Variants in CPSF3 observed in about 807,000 individuals in gnomAD.
CPSF3 encodes the protein cleavage and polyadenylation specificity factor subunit 3.
CPSF3 carries 57 observed loss-of-function variants against 84.1 expected under a neutral mutation model. The ratio of observed to expected loss-of-function variants is 0.68; its 90% CI spans 0.55 to 0.85. CPSF3 has a LOEUF of 0.85. CPSF3 is among the 40% of genes least tolerant of loss of function. The pLI is 0.00. For synonymous variants in CPSF3, 275 were observed against 278.1 expected (o/e 0.99, Z 0.11); for missense variants, 522 against 838.8 (o/e 0.62, Z 4.66).
chr2:9,431,919 G>A (rs1349272848), intron 4 of CPSF3, among the ~76,000 whole-genome samples: 1 of 152,126 alleles, frequency 6.6e-6, no homozygotes, highest in Non-Finnish European at 1.5e-5. Context: ...CCATTTTATA[G>A]ATGATGAAAC....
chr2:9,433,956 T>C lies in CPSF3; in HGVS notation c.605T>C (p.Ile202Thr), dbSNP rs553276603. The change falls in exon 6 of 18, where the codon ATC becomes ACC. Residue 202 changes from isoleucine to threonine, a missense_variant. By Grantham distance (89) the Ile-to-Thr change is moderately conservative. Transcript: ENST00000238112. ...EIPNIKPDIL[I>T]IESTYGTHIH... ...CCTAATATTAAGCCTGATATTCTTA[T>C]CATTGTAAGTATTAATATACTATAT... The C allele has an allele frequency of 2.6e-5, 40 of 1,535,660 alleles. No homozygotes were observed. In the African/African-American group the frequency reaches 5.2e-4, roughly 20 times the overall value.
At chr2:9,424,581 C>G (rs1680281328) in intron 1 of CPSF3, 1 of 152,176 alleles carries the variant, frequency 6.6e-6, no homozygotes, top group African/African-American at 2.4e-5. Context: ...ATACGCTTTC[C>G]AAAAGGTAGA....
chr2:9,469,787 A>G (rs776243252), intron 16 of CPSF3, among the ~76,000 whole-genome samples: 2 of 152,176 alleles, frequency 1.3e-5, no homozygotes, highest in Non-Finnish European at 2.9e-5. Flanking sequence ...AAATGCAGCT[A>G]TTTCCCCAGT....
At chr2:9,439,484 A>AAAG (rs1680897082) in intron 7 of CPSF3, among the ~76,000 whole-genome samples, 2 of 151,640 alleles carry the variant, frequency 1.3e-5, no homozygotes, top group Non-Finnish European at 2.9e-5. Context: ...AAAAAAAAAA[A>AAAG]AAAAGAAATT....
At chr2:9,472,319 C>CAAA (rs35266408) in intron 17 of CPSF3, among the ~76,000 whole-genome samples, 1 of 115,842 alleles carries the variant, frequency 8.6e-6, no homozygotes, top group East Asian at 4.3e-4. Context: ...GATTCTGTCT[C>CAAA]AAAAAAAAAA....
intron 15 of CPSF3, among the ~76,000 whole-genome samples, chr2:9,460,810 C>A (rs1681704886): frequency 6.6e-6 from 1 of 151,978 alleles, no homozygotes; most frequent in Admixed American, 6.6e-5. Context: ...CTGTACCCAG[C>A]TCTTTACATG....
intron 10 of CPSF3, among the ~76,000 whole-genome samples, chr2:9,447,233 A>T (rs1353077051): frequency 6.6e-6 from 1 of 152,252 alleles, no homozygotes; most frequent in East Asian, 1.9e-4. Context: ...TAATCCTAGC[A>T]TTTTGGGAGG....
chr2:9,425,159 G>A (rs1680334981), intron 1 of CPSF3, among the ~76,000 whole-genome samples: 1 of 152,212 alleles, frequency 6.6e-6, no homozygotes, highest in South Asian at 2.1e-4. Context: ...GTTCTAGGCA[G>A]TGGAAGTGGC....
intron 7 of CPSF3, among the ~76,000 whole-genome samples, chr2:9,436,774 A>AAAAAAAAAAAAATAATAAT (rs139337028): frequency 2.8e-5 from 4 of 143,036 alleles, no homozygotes; most frequent in African/African-American, 1.0e-4. Flanking sequence ...CCATCTCAAA[A>AAAAAAAAAAAAATAATAAT]AATAATAATA....
At position 9,430,009 on chromosome 2, in the gene CPSF3, A is replaced by G. The variant is rs1680525433; in HGVS notation, c.201A>G (p.Leu67=). 6.4e-7 allele frequency: 1 copy of G among 1,555,710 alleles called. No homozygotes were observed. The highest frequency in any genetic ancestry group is 2.4e-5 in the East Asian group (1 of 41,452). The change falls in exon 3 of 18, where the codon CTA becomes CTG. Residue 67 remains leucine, a synonymous_variant. Coordinates refer to ENST00000238112, the MANE Select transcript of CPSF3 (RefSeq NM_016207.4). ...TTGACCCAGCTGAGATTGATCTCCTATTAATTAGTCAGTAAGTTTTTCCCT... is the reference window on the plus strand; with the variant it reads ...TTGACCCAGCTGAGATTGATCTCCTGTTAATTAGTCAGTAAGTTTTTCCCT... ...DLIDPAEIDL[L]LISHFHLDHC... is the part of the protein sequence containing the mutation.
intron 15 of CPSF3, among the ~76,000 whole-genome samples, chr2:9,462,113 G>A (rs889520619): frequency 3.7e-4 from 57 of 152,138 alleles, no homozygotes; most frequent in African/African-American, 1.4e-3. Context: ...AGTTAGGAAC[G>A]GTGACGTGGG....
chr2:9,466,341 C>CAGGCAG (rs1491558265), intron 15 of CPSF3, among the ~76,000 whole-genome samples: 3 of 69,626 alleles, frequency 4.3e-5, no homozygotes, highest in African/African-American at 1.2e-4. Flanking sequence ...CACGCACACA[C>CAGGCAG]GCGCGCGCGC....
intron 4 of CPSF3, among the ~76,000 whole-genome samples, chr2:9,431,529 A>ATTT (rs759124668): frequency 3.0e-5 from 4 of 131,674 alleles, no homozygotes; most frequent in African/African-American, 1.2e-4. Context: ...AAATATACAT[A>ATTT]TTTTTTTTTT....
chr2:9,472,319 CAAAAA>C (rs35266408), intron 17 of CPSF3, among the ~76,000 whole-genome samples: 4 of 115,842 alleles, frequency 3.5e-5, no homozygotes, highest in Admixed American at 9.4e-5. Flanking sequence ...GATTCTGTCT[CAAAAA>C]AAAAAAAAAA....
intron 15 of CPSF3, among the ~76,000 whole-genome samples, chr2:9,466,352 GCACA>G (rs1197055357): frequency 3.2e-4 from 41 of 129,150 alleles, no homozygotes; most frequent in Middle Eastern, 8.4e-3. Flanking sequence ...GCGCGCGCGC[GCACA>G]CACACACGCA....
intron 17 of CPSF3, among the ~76,000 whole-genome samples, chr2:9,472,666 T>TA (rs1364029867): frequency 6.6e-6 from 1 of 152,066 alleles, no homozygotes; most frequent in Non-Finnish European, 1.5e-5. Context: ...TTCTTTTTTT[T>TA]AGTTTGAGAC....
intron 17 of CPSF3, among the ~76,000 whole-genome samples, chr2:9,472,173 G>T (rs774985717): frequency 2.0e-5 from 3 of 151,550 alleles, no homozygotes; most frequent in Middle Eastern, 3.5e-3. Context: ...AATTACCCAG[G>T]CGTGGTGGTG....
At position 9,456,967 on chromosome 2, in the gene CPSF3, T is replaced by G; in HGVS notation, c.1638T>G (p.Pro546=). The G allele has an allele frequency of 6.2e-7, 1 of 1,602,708 alleles. No homozygotes were observed. The highest frequency in any genetic ancestry group is 8.5e-7 in the Non-Finnish European group (1 of 1,173,632). ...AAGAATTAGAAATTCAAGAAAAACC[T>G]GCTCTGAAAGTGTTCAAAAATATTA... ...DVEELEIQEK[P]ALKVFKNITV... The change falls in exon 14 of 18, where the codon CCT becomes CCG. Residue 546 remains proline (P), a synonymous_variant. Coordinates refer to ENST00000238112, the MANE Select transcript of CPSF3 (RefSeq NM_016207.4).
intron 12 of CPSF3, among the ~76,000 whole-genome samples, chr2:9,454,780 G>A (rs551138347): frequency 2.0e-5 from 3 of 152,060 alleles, no homozygotes; most frequent in South Asian, 4.1e-4. Flanking sequence ...TCCTGACCTC[G>A]TGATCCACCT....
Sources: gnomAD v4.1 joint callset for allele counts (sites outside exome capture counted in the v4.1 genomes callset) on GRCh38, gnomAD v4.1.1 for gene constraint, MANE v1.5 for transcripts, NCBI Gene and HGNC (gene_info 2026-07-23, HGNC 2026-07-21) for gene names.